The following RCAN2 variants were observed in gnomAD, a reference collection of about 807,000 sequenced individuals.
RCAN2 encodes the protein regulator of calcineurin 2.
A neutral mutation model predicts 23.6 loss-of-function variants in RCAN2; 9 were observed. The ratio of observed to expected loss-of-function variants is 0.38; its 90% CI spans 0.23 to 0.67. RCAN2 has a LOEUF of 0.67. Among genes scored for constraint, RCAN2 ranks in the 30% least tolerant of loss-of-function variants. RCAN2 has a pLI of 0.51. For synonymous variants in RCAN2, 109 were observed against 115.7 expected (o/e 0.94, Z 0.37); for missense variants, 273 against 302.3 (o/e 0.90, Z 0.72).
At chr6:46,270,295 G>A (rs374992966) in intron 2 of RCAN2, among the ~76,000 whole-genome samples, 67 of 152,244 alleles carry the variant, frequency 4.4e-4, no homozygotes, top group African/African-American at 1.2e-3. Context: ...CAGGAGTGCC[G>A]GGACCTTGCT....
intron 1 of RCAN2, among the ~76,000 whole-genome samples, chr6:46,466,106 C>T (rs1768372762): frequency 1.3e-5 from 2 of 152,180 alleles, no homozygotes; most frequent in South Asian, 4.1e-4. Flanking sequence ...ACCATCCTCT[C>T]ATGATTGCTT....
Position 46,246,095 on chromosome 6 carries a change from C to CA in RCAN2, c.571+652dup, listed in dbSNP as rs375878061. Among the ~76,000 whole-genome samples, 1,112 of 152,166 alleles carry CA rather than the reference C, an allele frequency of 7.3e-3. 14 individuals carry two copies. The highest frequency in any genetic ancestry group is 0.025 in the African/African-American group (1,041 of 41,494). On this transcript the variant is annotated intron_variant, in intron 4 of 4. Transcript: ENST00000371374. ...TTAACTGTTACTTTGATTGTAATAG[C>CA]AAAAAACCTGGAAATAATCTAAATG...
chr6:46,382,290 A>G (rs1380783029), intron 2 of RCAN2, among the ~76,000 whole-genome samples: 1 of 152,222 alleles, frequency 6.6e-6, no homozygotes, highest in Non-Finnish European at 1.5e-5. Flanking sequence ...TTAGGTATCC[A>G]AAACACTACC....
intron 2 of RCAN2, among the ~76,000 whole-genome samples, chr6:46,383,288 A>G (rs980547506): frequency 6.6e-6 from 1 of 151,914 alleles, no homozygotes; most frequent in Non-Finnish European, 1.5e-5. Flanking sequence ...AAGAATGAAT[A>G]GAATTTGCAT....
At chr6:46,431,551 A>C (rs1390335954) in intron 2 of RCAN2, among the ~76,000 whole-genome samples, 1 of 152,212 alleles carries the variant, frequency 6.6e-6, no homozygotes, top group African/African-American at 2.4e-5. Flanking sequence ...TCCATGGCAC[A>C]CACAGGCATC....
At chr6:46,449,118 A>C (rs1009163200) in intron 2 of RCAN2, among the ~76,000 whole-genome samples, 3 of 151,924 alleles carry the variant, frequency 2.0e-5, no homozygotes, top group Admixed American at 6.6e-5. Flanking sequence ...CTAATAAACA[A>C]ATTCAGTAAA....
chr6:46,321,822 C>A (rs1387160661), intron 2 of RCAN2, among the ~76,000 whole-genome samples: 4 of 152,210 alleles, frequency 2.6e-5, no homozygotes, highest in Non-Finnish European at 5.9e-5. Flanking sequence ...ACATTTCTGA[C>A]AGCTCAGAGA....
intron 2 of RCAN2, among the ~76,000 whole-genome samples, chr6:46,393,572 T>C (rs1163785684): frequency 6.6e-6 from 1 of 152,174 alleles, no homozygotes; most frequent in Non-Finnish European, 1.5e-5. Flanking sequence ...GCAGAATAGA[T>C]TATTTGGCTT....
chr6:46,401,630 G>A (rs550198864), intron 2 of RCAN2, among the ~76,000 whole-genome samples: 9 of 152,254 alleles, frequency 5.9e-5, no homozygotes, highest in Admixed American at 3.3e-4. Context: ...AGTAATCTGC[G>A]AACTATACGG....
At chr6:46,480,757 C>T (rs996479138) in intron 1 of RCAN2, among the ~76,000 whole-genome samples, 2 of 152,106 alleles carry the variant, frequency 1.3e-5, no homozygotes, top group African/African-American at 4.8e-5. Flanking sequence ...TCCTGAGTAG[C>T]TGAGATTACA....
chr6:46,441,213 C>T (rs905420702), intron 2 of RCAN2, among the ~76,000 whole-genome samples: 1 of 152,078 alleles, frequency 6.6e-6, no homozygotes, highest in African/African-American at 2.4e-5. Flanking sequence ...ACATAAGAAG[C>T]CAATAAACAA....
intron 2 of RCAN2, among the ~76,000 whole-genome samples, chr6:46,280,064 C>G: frequency 6.6e-6 from 1 of 152,140 alleles, no homozygotes; most frequent in South Asian, 2.1e-4. Context: ...GAACTAGGAA[C>G]AGAATCCATG....
At chr6:46,423,952 A>C (rs1182658896) in intron 2 of RCAN2, among the ~76,000 whole-genome samples, 1 of 152,218 alleles carries the variant, frequency 6.6e-6, no homozygotes, top group Non-Finnish European at 1.5e-5. Flanking sequence ...AAAGCACAAA[A>C]GGGTTAGGTA....
chr6:46,310,924 G>C (rs1229847968), intron 2 of RCAN2, among the ~76,000 whole-genome samples: 1 of 152,156 alleles, frequency 6.6e-6, no homozygotes, highest in East Asian at 1.9e-4. Flanking sequence ...CTTTAAGAGA[G>C]CTAAATATCA....
At chr6:46,331,310 T>C (rs1763964312) in intron 2 of RCAN2, among the ~76,000 whole-genome samples, 1 of 151,374 alleles carries the variant, frequency 6.6e-6, no homozygotes, top group Admixed American at 6.6e-5. Context: ...TGCACTCAGT[T>C]TTTTTTTTTC....
At chr6:46,461,575 CT>C (rs991519419) in intron 1 of RCAN2, among the ~76,000 whole-genome samples, 1 of 124,534 alleles carries the variant, frequency 8.0e-6, no homozygotes, top group Non-Finnish European at 1.9e-5. Context: ...CTGTGGCTTT[CT>C]TTTTTTTCTT....
At chr6:46,432,094 A>T (rs1767226787) in intron 2 of RCAN2, among the ~76,000 whole-genome samples, 1 of 152,242 alleles carries the variant, frequency 6.6e-6, no homozygotes, top group Non-Finnish European at 1.5e-5. Context: ...CTTTAAGATG[A>T]TTTATAAGTT....
intron 1 of RCAN2, among the ~76,000 whole-genome samples, chr6:46,473,575 T>A (rs1768628824): frequency 6.6e-6 from 1 of 152,148 alleles, no homozygotes; most frequent in South Asian, 2.1e-4. Flanking sequence ...ATGAAACACA[T>A]CAATGGCAGT....
In RCAN2 at chr6:46,266,807, C is replaced by A. The variant is rs1767346050; in HGVS notation, c.226-17911G>T. 2.6e-5 allele frequency among the ~76,000 whole-genome samples: 4 copies of A among 152,248 alleles called. No homozygotes were observed. The South Asian group carries it at 8.3e-4, about 32-fold the overall frequency. ...GAGGCGACTGATTCCAACCCCTCGA[C>A]TTGAAAGTTGAAAGATGCAAAGCAC... On this transcript the variant is annotated intron_variant, in intron 2 of 4. Transcript: ENST00000371374.
Sources: gnomAD v4.1 joint callset for allele counts (sites outside exome capture counted in the v4.1 genomes callset) on GRCh38, gnomAD v4.1.1 for gene constraint, MANE v1.5 for transcripts, NCBI Gene and HGNC (gene_info 2026-07-23, HGNC 2026-07-21) for gene names.